Variants in USP47 observed in about 807,000 individuals in gnomAD.
USP47 encodes ubiquitin carboxyl-terminal hydrolase 47.
USP47 carries 35 observed loss-of-function variants against 165.1 expected under a neutral mutation model. The ratio of observed to expected loss-of-function variants is 0.21; its 90% confidence interval spans 0.16 to 0.28. USP47 has a LOEUF of 0.28. Among genes scored for constraint, USP47 ranks in the 10% least tolerant of loss-of-function variants. The pLI is 1.00. For missense variants in USP47, 1,277 were observed against 1,607.4 expected, an observed-to-expected ratio of 0.79 and a Z score of 3.52; for synonymous variants, 531 against 544.5, an observed-to-expected ratio of 0.98 and a Z score of 0.35.
At chr11:11,873,781 T>A (rs1480882886) in intron 1 of USP47, 3 of 1,347,874 alleles carry the variant, frequency 2.2e-6, no homozygotes, top group Non-Finnish European at 9.7e-7. Flanking sequence ...GTAATTCATT[T>A]TGTTCTTATA....
chr11:11,900,550 G>A (rs1182864284), intron 5 of USP47, among the ~76,000 whole-genome samples: 21 of 152,164 alleles, frequency 1.4e-4, no homozygotes, highest in Non-Finnish European at 4.4e-5. Flanking sequence ...ATTGTTTTAG[G>A]AAAGTTTATA....
At chr11:11,878,554 T>C (rs1283098484) in intron 1 of USP47, 2 of 152,140 alleles carry the variant, frequency 1.3e-5, no homozygotes, top group Non-Finnish European at 2.9e-5. Context: ...CTAAAATATA[T>C]AGGTGAAGGT....
chr11:11,931,980 G>A (rs1848345624), intron 14 of USP47, among the ~76,000 whole-genome samples: 1 of 152,010 alleles, frequency 6.6e-6, no homozygotes, highest in African/African-American at 2.4e-5. Context: ...GGCTGTCCTC[G>A]CATTGCTATA....
In USP47 at chr11:11,871,899, A is replaced by G. The variant is rs79394037; in HGVS notation, c.40-8278A>G. Among the ~76,000 whole-genome samples, 303 of 152,286 alleles carry G rather than the reference A, an allele frequency of 2.0e-3. 2 individuals carry two copies. Among genetic ancestry groups the G allele is most frequent in the African/African-American group, 7.0e-3 (290 of 41,564 alleles). ...TCATTACCTGTGTTGCCTCTTGTTCAGTGTTTGAAAATCATTGTTTCATAC... is the reference window on the plus strand; with the variant it reads ...TCATTACCTGTGTTGCCTCTTGTTCGGTGTTTGAAAATCATTGTTTCATAC... On this transcript the variant is annotated intron_variant, in intron 1 of 27. Transcript: ENST00000527733.
intron 20 of USP47, among the ~76,000 whole-genome samples, chr11:11,944,813 G>A (rs1396580671): frequency 6.6e-6 from 1 of 152,170 alleles, no homozygotes; most frequent in African/African-American, 2.4e-5. Flanking sequence ...ATTAAAAGTA[G>A]TTCCTCTTTA....
rs182726093 is a variant in USP47, at chr11:11,948,540, T to G, written c.3330T>G (p.Leu1110=). ...AATACAGAGTTAAAGTATACCAGCT[T>G]TTGGTCAATGAACAAGAGGTAAGTA... is the stretch of plus-strand genomic sequence containing the variant. ...KGEYRVKVYQ[L]LVNEQEPCKF... The change falls in exon 22 of 28, where the codon CTT becomes CTG. Residue 1110 remains leucine, a synonymous_variant. Coordinates refer to ENST00000527733, the MANE Select transcript of USP47 (RefSeq NM_001282659.2). The G allele has an allele frequency of 3.8e-4, 614 of 1,612,282 alleles. 3 individuals carry two copies. In the African/African-American group the frequency reaches 7.5e-3, roughly 20 times the overall value.
At chr11:11,842,282 G>A (rs1848167639) in intron 1 of USP47, 58 bp downstream of exon 1, 9 of 1,530,020 alleles carry the variant, frequency 5.9e-6, no homozygotes, top group East Asian at 2.5e-5. Flanking sequence ...GGCAACACAG[G>A]CCCGGGCCGG....
rs545283375 is a variant in USP47 at position 11,871,451 on chromosome 11, T to C, written c.40-8726T>C. Among the ~76,000 whole-genome samples, 7 of 129,658 alleles carry C rather than the reference T, an allele frequency of 5.4e-5. No individual in the cohort carries two copies. The South Asian group carries it at 1.7e-3, about 31-fold the overall frequency. 85.1% of individuals were successfully genotyped at this position (129,658 alleles called of 152,430 possible). On this transcript the variant is annotated intron_variant, in intron 1 of 27. Transcript: ENST00000527733. ...CCAGGAGGCAGAGCTTGCAGTGAGC[T>C]GAGATCGTGCCACTGCACTCCAGCC...
chr11:11,929,982 T>A, intron 12 of USP47, 62 bp from the exon 13 acceptor site: 1 of 1,288,784 alleles, frequency 7.8e-7, no homozygotes, highest in Non-Finnish European at 1.1e-6. Context: ...TTGAGTTACA[T>A]ATTGACGTTA....
At position 11,933,035 on chromosome 11, in the gene USP47, T is replaced by C; in HGVS notation, c.1683T>C (p.His561=). ...KFLEVDEYPE[H]IKNLVQKERE... ...TAGAAGTGGATGAATACCCAGAACATATTAAAAACTTGGTGCAGAAAGAGA... is the reference window on the plus strand; with the variant it reads ...TAGAAGTGGATGAATACCCAGAACACATTAAAAACTTGGTGCAGAAAGAGA... The change falls in exon 15 of 28, where the codon CAT becomes CAC. Residue 561 remains histidine, a synonymous_variant. Transcript: ENST00000527733. 1 of 1,613,244 alleles carries C rather than the reference T, an allele frequency of 6.2e-7. No individual in the cohort carries two copies. Among genetic ancestry groups the C allele is most frequent in the Admixed American group, 1.7e-5 (1 of 59,888 alleles).
intron 1 of USP47, among the ~76,000 whole-genome samples, chr11:11,851,679 A>G (rs1848735650): frequency 6.6e-6 from 1 of 152,160 alleles, no homozygotes; most frequent in Non-Finnish European, 1.5e-5. Context: ...GTTTGTTTCA[A>G]GATCCAAATT....
chr11:11,881,001 T>G (rs1476506103), intron 2 of USP47, among the ~76,000 whole-genome samples: 1 of 152,192 alleles, frequency 6.6e-6, no homozygotes, highest in Non-Finnish European at 1.5e-5. Context: ...CTTTCTAATT[T>G]TAGTCGTCTG....
At chr11:11,865,536 C>G (rs77586695) in intron 1 of USP47, among the ~76,000 whole-genome samples, 3,495 of 152,048 alleles carry the variant, frequency 0.023, 134 homozygotes, top group African/African-American at 0.078. Context: ...TGAAACATTG[C>G]TGGATCTTAT....
In USP47 at chr11:11,897,659, T is replaced by C. The variant is rs1249188415; in HGVS notation, c.559T>C (p.Phe187Leu). 6.2e-7 allele frequency: 1 copy of C among 1,611,438 alleles called. No homozygotes were observed. Among genetic ancestry groups the C allele is most frequent in the Non-Finnish European group, 8.5e-7 (1 of 1,178,576 alleles). ...CYLNSLLQTL[F>L]MTPEFRNALY... is the part of the protein sequence containing the mutation. The stretch of plus-strand genomic sequence containing the variant: ...TTTGAATAGCCTTTTGCAAACACTT[T>C]TTATGACTCCTGAATTTAGGAATGC... The change falls in exon 5 of 28, where the codon TTT (phenylalanine) becomes CTT (leucine). Residue 187 changes from phenylalanine to leucine, a missense_variant. Coordinates refer to ENST00000527733, the MANE Select transcript of USP47 (RefSeq NM_001282659.2).
At chr11:11,844,226 T>A (rs528532680) in intron 1 of USP47, among the ~76,000 whole-genome samples, 4 of 152,254 alleles carry the variant, frequency 2.6e-5, no homozygotes, top group Admixed American at 2.0e-4. Context: ...ATAGTTTTTT[T>A]AAAAAAACAA....
At chr11:11,884,776 T>C (rs1388102610) in intron 3 of USP47, 196 bp downstream of exon 3, 1 of 485,812 alleles carries the variant, frequency 2.1e-6, no homozygotes, top group East Asian at 3.6e-5. Flanking sequence ...ACATTATTTG[T>C]GTATACAGTC....
At position 11,936,504 on chromosome 11, in the gene USP47, C is replaced by A; in HGVS notation, c.2071C>A (p.Pro691Thr). The part of the protein sequence containing the change: ...KPDQVFQSYK[P>T]GEVMVKVHVV... ...TGATCAGGTTTTCCAATCTTATAAA[C>A]CTGGAGGTGAGCAATTTTACACTAT... The change falls in exon 17 of 28, where the codon CCT becomes ACT. Residue 691 changes from proline (P) to threonine (T), a missense_variant. Pro to Thr is a conservative substitution (Grantham distance 38). Around this residue, in one of 4 missense-constraint regions of USP47, gnomAD observed 909 missense variants for 1,068.1 expected, o/e 0.85. Coordinates refer to ENST00000527733, the MANE Select transcript of USP47 (RefSeq NM_001282659.2). 6.3e-7 allele frequency: 1 copy of A among 1,574,918 alleles called. No homozygotes were observed. Among genetic ancestry groups the A allele is most frequent in the Non-Finnish European group, 8.6e-7 (1 of 1,156,276 alleles).
At chr11:11,851,197 C>T (rs941386141) in intron 1 of USP47, among the ~76,000 whole-genome samples, 29 of 152,176 alleles carry the variant, frequency 1.9e-4, no homozygotes, top group African/African-American at 7.0e-4. Context: ...ATATGGGTCT[C>T]ATCTTTAAGC....
intron 1 of USP47, among the ~76,000 whole-genome samples, chr11:11,860,737 A>C (rs1237563783): frequency 3.3e-5 from 5 of 152,316 alleles, no homozygotes; most frequent in Middle Eastern, 3.4e-3. Flanking sequence ...AGATAACAGA[A>C]ATAGTAAAGG....
Sources: allele counts gnomAD v4.1 joint callset (sites outside exome capture counted in the v4.1 genomes callset), GRCh38; gene constraint gnomAD v4.1.1; regional missense constraint gnomAD v4.1.1; transcripts MANE v1.5; gene names NCBI Gene and HGNC (gene_info 2026-07-23, HGNC 2026-07-21).